Variants in THBS4 observed in about 807,000 individuals in gnomAD.
THBS4 encodes the protein thrombospondin 4.
Under a neutral mutation model 115.7 loss-of-function variants are expected in THBS4, and 90 were observed. That is an observed-to-expected ratio of 0.78 (90% CI 0.66 to 0.93). The LOEUF (loss-of-function observed/expected upper bound fraction) is 0.93, where lower values mean the gene tolerates loss of function less well. THBS4 is among the 40% of genes least tolerant of loss of function. The probability of loss-of-function intolerance (pLI) is 0.00; values close to 1 mark genes in which losing one functional copy is unlikely to be tolerated. For missense variants in THBS4, 1,087 were observed against 1,232.7 expected (o/e 0.88, Z 1.77); for synonymous variants, 460 against 479.3 (o/e 0.96, Z 0.53).
intron 2 of THBS4, among the ~76,000 whole-genome samples, chr5:80,025,426 CA>C (rs2151160094): frequency 6.6e-6 from 1 of 152,300 alleles, no homozygotes; most frequent in African/African-American, 2.4e-5. Flanking sequence ...GATACACAGA[CA>C]GTGTTGAAAG....
At chr5:80,032,053 C>G (rs1832595668), upstream of THBS4, among the ~76,000 whole-genome samples, 1 of 151,920 alleles carries the variant, frequency 6.6e-6, no homozygotes, top group South Asian at 2.1e-4. Context: ...AAAAATCAAA[C>G]AAATTAATAC....
At chr5:80,027,985 C>A (rs1023728019) in intron 2 of THBS4, among the ~76,000 whole-genome samples, 2 of 150,990 alleles carry the variant, frequency 1.3e-5, no homozygotes, top group African/African-American at 4.9e-5. Flanking sequence ...AATCAAAATA[C>A]GTTCATATCT....
At chr5:79,993,601 C>T (rs1286177515) in intron 1 of THBS4, among the ~76,000 whole-genome samples, 1 of 152,030 alleles carries the variant, frequency 6.6e-6, no homozygotes, top group Non-Finnish European at 1.5e-5. Context: ...CAGTGTTTTC[C>T]CCAAAAAAGA....
rs1181568918 is a variant in THBS4 at position 80,078,945 on chromosome 5, A to G, written c.2290A>G (p.Asn764Asp). 6.2e-7 allele frequency: 1 copy of G among 1,614,152 alleles called. No individual in the cohort carries two copies. The highest frequency in any genetic ancestry group is 8.5e-7 in the Non-Finnish European group (1 of 1,180,010). ...GGGCATGGAGATTGTACAGACCATG[A>G]ACAGTGATCCTGGCCTGGCAGTGGG... ...NQGMEIVQTM[N>D]SDPGLAVGYT... The change falls in exon 18 of 22, where the codon AAC (asparagine) becomes GAC (aspartate). Residue 764 changes from asparagine to aspartate, a missense_variant. By Grantham distance (23) the Asn-to-Asp change is conservative. Around this residue, in one of 3 missense-constraint regions of THBS4, gnomAD observed 979 missense variants for 1,103.7 expected, o/e 0.89. Transcript: ENST00000350881.
rs752816382 is a variant in THBS4, at chr5:80,058,718, C to A, written c.660C>A (p.Asn220Lys). The change falls in exon 5 of 22, where the codon AAC (asparagine) becomes AAA (lysine). Residue 220 changes from asparagine to lysine, a missense_variant. By Grantham distance (94) the Asn-to-Lys change is moderately conservative. Transcript: ENST00000350881. ...PLAATGTGDF[N>K]RQFLGQMTQL... The stretch of plus-strand genomic sequence containing the variant: ...TTGCTGTTCCTACAGGGGACTTTAA[C>A]CGGCAGTTCTTGGGTCAAATGACAC... 1.2e-6 allele frequency: 2 copies of A among 1,614,114 alleles called. No homozygotes were observed. The highest frequency in any genetic ancestry group is 3.3e-5 in the Admixed American group (2 of 60,022).
chr5:80,001,295 C>T (rs1334828930), intron 2 of THBS4, among the ~76,000 whole-genome samples: 3 of 152,092 alleles, frequency 2.0e-5, no homozygotes, highest in Non-Finnish European at 4.4e-5. Context: ...GTTTGGGTAA[C>T]AGAACCGGCA....
At chr5:80,030,805 C>T (rs1036523910), upstream of THBS4, among the ~76,000 whole-genome samples, 3 of 152,150 alleles carry the variant, frequency 2.0e-5, no homozygotes, top group African/African-American at 7.2e-5. Context: ...CATGCCTGGC[C>T]CCTTTATCCA....
At chr5:80,070,211 C>G in intron 10 of THBS4, 95 bp from the exon 11 acceptor site, 1 of 1,055,434 alleles carries the variant, frequency 9.5e-7, no homozygotes, top group Non-Finnish European at 1.4e-6. Flanking sequence ...GGCCCTCCCC[C>G]TGGGATTGAG....
intron 2 of THBS4, among the ~76,000 whole-genome samples, chr5:80,027,064 G>A (rs916774681): frequency 1.3e-5 from 2 of 152,142 alleles, no homozygotes; most frequent in African/African-American, 4.8e-5. Flanking sequence ...CAGAACCTGT[G>A]GCCAATCATG....
intron 1 of THBS4, among the ~76,000 whole-genome samples, chr5:80,038,895 G>C (rs946298944): frequency 3.9e-5 from 6 of 152,136 alleles, no homozygotes; most frequent in Non-Finnish European, 7.4e-5. Flanking sequence ...CCATTTCCCT[G>C]AACCCTCACA....
chr5:80,013,359 G>A (rs1339359320), intron 2 of THBS4, among the ~76,000 whole-genome samples: 2 of 151,068 alleles, frequency 1.3e-5, no homozygotes, highest in South Asian at 2.1e-4. Context: ...GGCTGGTCTC[G>A]AACTCCCGAC....
chr5:80,024,407 A>G (rs1832435619), intron 2 of THBS4, among the ~76,000 whole-genome samples: 1 of 152,214 alleles, frequency 6.6e-6, no homozygotes, highest in Non-Finnish European at 1.5e-5. Context: ...GTTCATTGAG[A>G]GCCATGATAT....
chr5:80,044,217 C>T (rs1357500210), intron 2 of THBS4, among the ~76,000 whole-genome samples: 1 of 152,172 alleles, frequency 6.6e-6, no homozygotes, highest in Non-Finnish European at 1.5e-5. Context: ...GTTGGGAGCT[C>T]TCTTGAGACA....
intron 7 of THBS4, among the ~76,000 whole-genome samples, chr5:80,060,796 G>A (rs1408250550): frequency 6.6e-6 from 1 of 152,166 alleles, no homozygotes; most frequent in East Asian, 1.9e-4. Context: ...CACCAGTCCA[G>A]TTGCAAAGCA....
At chr5:80,018,389 C>CTTTTT (rs35373315) in intron 2 of THBS4, among the ~76,000 whole-genome samples, 4 of 100,004 alleles carry the variant, frequency 4.0e-5, no homozygotes, top group Non-Finnish European at 5.8e-5. Flanking sequence ...TTCAAATATA[C>CTTTTT]TTTTTTTTTT....
chr5:80,033,213 G>A, upstream of THBS4: 3 of 454,872 alleles, frequency 6.6e-6, no homozygotes, highest in East Asian at 7.0e-5. Context: ...GGATCCTGCG[G>A]CTGATGGGGA....
Position 80,082,450 on chromosome 5 carries a change from T to G in THBS4, c.2729T>G (p.Val910Gly), listed in dbSNP as rs1208357373. Residue 910 changes from valine to glycine, a missense_variant, in exon 21 of 22, where the codon GTC becomes GGC. Around this residue, in one of 3 missense-constraint regions of THBS4, gnomAD observed 103 missense variants for 108.2 expected, o/e 0.95. Transcript: ENST00000350881. ...TCTGAGTTGGTGGCTGACTCTGGCG[T>G]CACCATAGACACCACAATGCGTGGA... ...EGSELVADSG[V>G]TIDTTMRGGR... is the part of the protein sequence containing the mutation. The G allele has an allele frequency of 3.1e-6, 5 of 1,614,190 alleles. No individual in the cohort carries two copies. Among genetic ancestry groups the G allele is most frequent in the Non-Finnish European group, 4.2e-6 (5 of 1,180,026 alleles).
chr5:80,008,725 T>C (rs1455688886), intron 2 of THBS4, among the ~76,000 whole-genome samples: 1 of 152,162 alleles, frequency 6.6e-6, no homozygotes, highest in East Asian at 1.9e-4. Context: ...GTTCAATGCT[T>C]AACAGCACCC....
At chr5:80,002,527 T>G (rs1831921997) in intron 2 of THBS4, among the ~76,000 whole-genome samples, 1 of 150,042 alleles carries the variant, frequency 6.7e-6, no homozygotes. Flanking sequence ...ACCCCCATGC[T>G]CTATCCTAAT....
Sources: gnomAD v4.1 joint callset for allele counts (sites outside exome capture counted in the v4.1 genomes callset) on GRCh38, gnomAD v4.1.1 for gene constraint, gnomAD v4.1.1 regional missense constraint, MANE v1.5 for transcripts, NCBI Gene and HGNC (gene_info 2026-07-23, HGNC 2026-07-21) for gene names.